KCNT2: variants seen among roughly 807,000 people sequenced by gnomAD.
The protein encoded by KCNT2 is potassium sodium-activated channel subfamily T member 2.
KCNT2 carries 67 observed loss-of-function variants against 153.8 expected under a neutral mutation model. That is an observed-to-expected ratio of 0.44 (90% CI 0.36 to 0.53). The LOEUF (loss-of-function observed/expected upper bound fraction) is 0.53. KCNT2 is among the 20% of genes least tolerant of loss of function. The pLI is 0.00. For missense variants in KCNT2, 975 were observed against 1,354.8 expected, an observed-to-expected ratio of 0.72 and a Z score of 4.40; for synonymous variants, 500 against 458.8, an observed-to-expected ratio of 1.09 and a Z score of -1.15.
intron 25 of KCNT2, among the ~76,000 whole-genome samples, chr1:196,271,036 C>CCA (rs1306583269): frequency 6.6e-6 from 1 of 151,100 alleles, no homozygotes; most frequent in Admixed American, 6.6e-5. Flanking sequence ...ACACACACAA[C>CCA]CACACACACA....
intron 1 of KCNT2, among the ~76,000 whole-genome samples, chr1:196,568,631 A>G (rs370752243): frequency 6.7e-6 from 1 of 149,558 alleles, no homozygotes; most frequent in Non-Finnish European, 1.5e-5. Flanking sequence ...ACACGCCACC[A>G]CAGATCTGAC....
intron 8 of KCNT2, among the ~76,000 whole-genome samples, chr1:196,436,756 A>G (rs1417263386): frequency 6.6e-6 from 1 of 150,946 alleles, no homozygotes; most frequent in Non-Finnish European, 1.5e-5. Context: ...AATTAAATAC[A>G]AAATGTACTC....
intron 1 of KCNT2, among the ~76,000 whole-genome samples, chr1:196,505,184 C>A (rs1681030588): frequency 6.6e-6 from 1 of 152,002 alleles, no homozygotes. Context: ...AATGGTAATG[C>A]CTAGGTTTTC....
intron 1 of KCNT2, among the ~76,000 whole-genome samples, chr1:196,545,969 A>G (rs1227630654): frequency 1.3e-5 from 2 of 152,012 alleles, no homozygotes; most frequent in African/African-American, 2.4e-5. Flanking sequence ...TATGGGTAAC[A>G]CTGCTGTAAA....
At chr1:196,462,128 T>C (rs1366715517) in intron 8 of KCNT2, among the ~76,000 whole-genome samples, 1 of 151,854 alleles carries the variant, frequency 6.6e-6, no homozygotes, top group East Asian at 1.9e-4. Flanking sequence ...GAAATATTTC[T>C]CAATAGTCCA....
At chr1:196,335,515 G>A (rs968595511) in intron 16 of KCNT2, among the ~76,000 whole-genome samples, 1 of 152,026 alleles carries the variant, frequency 6.6e-6, no homozygotes, top group Non-Finnish European at 1.5e-5. Context: ...TCTCAATATA[G>A]AAAACATACA....
rs193106554 is a variant in KCNT2 at position 196,444,524 on chromosome 1, A to G, written c.639-14767T>C. The stretch of plus-strand genomic sequence containing the variant: ...AAAAGTTTCAACATCGTGACCAGTT[A>G]AAAACAAATTCTACTGGTTATAAAG... On this transcript the variant is annotated intron_variant, in intron 8 of 27. Transcript: ENST00000294725. Among the ~76,000 whole-genome samples, 290 of 151,492 alleles carry G rather than the reference A, an allele frequency of 1.9e-3. 1 individual carries two copies. Among genetic ancestry groups the G allele is most frequent in the Non-Finnish European group, 2.4e-3 (164 of 67,542 alleles).
At position 196,257,179 on chromosome 1, in the gene KCNT2, A is replaced by G. The variant is rs74810790; in HGVS notation, c.3211+1015T>C. On this transcript the variant is annotated intron_variant, in intron 26 of 27. Transcript: ENST00000294725. The stretch of plus-strand genomic sequence containing the variant: ...CAAATCAGGGTTATAAAGAGTAACA[A>G]GAATATACACATAAAGCACCTAGCA... 3.0e-5 allele frequency: 28 copies of G among 930,738 alleles called. No homozygotes were observed. The East Asian group carries it at 3.3e-3, about 109-fold the overall frequency. 57.7% of individuals were successfully genotyped at this position (930,738 alleles called of 1,614,324 possible). A position where few individuals can be genotyped will look rare whatever the true frequency, so the allele number is the denominator to read the frequency against.
intron 25 of KCNT2, among the ~76,000 whole-genome samples, chr1:196,276,236 C>A (rs1658555160): frequency 6.6e-6 from 1 of 151,904 alleles, no homozygotes; most frequent in Admixed American, 6.6e-5. Context: ...CAGGACATAC[C>A]ATGACTAAGT....
At chr1:196,391,110 G>A (rs1275363489) in intron 13 of KCNT2, among the ~76,000 whole-genome samples, 1 of 151,146 alleles carries the variant, frequency 6.6e-6, no homozygotes, top group African/African-American at 2.4e-5. Context: ...CAGGAAAGGG[G>A]GGTTGTAAGG....
intron 14 of KCNT2, among the ~76,000 whole-genome samples, chr1:196,362,830 C>A (rs551172324): frequency 6.6e-6 from 1 of 152,166 alleles, no homozygotes; most frequent in South Asian, 2.1e-4. Context: ...AAAGTAACTT[C>A]TTAGTGCATC....
chr1:196,593,307 T>TAC (rs1380637836), intron 1 of KCNT2, among the ~76,000 whole-genome samples: 3 of 124,820 alleles, frequency 2.4e-5, no homozygotes, highest in African/African-American at 1.2e-4. Flanking sequence ...TATATATATA[T>TAC]ATATACACAC....
intron 1 of KCNT2, among the ~76,000 whole-genome samples, chr1:196,543,114 T>C (rs140615829): frequency 6.6e-6 from 1 of 152,274 alleles, no homozygotes; most frequent in African/African-American, 2.4e-5. Context: ...AATATAGTTG[T>C]GGTAGTCTTG....
chr1:196,364,327 A>C (rs1667868009), intron 14 of KCNT2, among the ~76,000 whole-genome samples: 1 of 152,156 alleles, frequency 6.6e-6, no homozygotes, highest in Non-Finnish European at 1.5e-5. Flanking sequence ...AATATTTCCA[A>C]ACTTCCTTGA....
At chr1:196,515,023 A>C (rs1681936961) in intron 1 of KCNT2, among the ~76,000 whole-genome samples, 1 of 152,194 alleles carries the variant, frequency 6.6e-6, no homozygotes, top group Non-Finnish European at 1.5e-5. Context: ...GACATAATCC[A>C]TGTCTCTAAT....
chr1:196,501,530 G>A (rs1340089858), intron 1 of KCNT2, among the ~76,000 whole-genome samples: 1 of 152,096 alleles, frequency 6.6e-6, no homozygotes, highest in Non-Finnish European at 1.5e-5. Flanking sequence ...TTATAAGTGG[G>A]AGCTAAACAA....
intron 27 of KCNT2, among the ~76,000 whole-genome samples, chr1:196,228,967 A>ATACT (rs1270788231): frequency 6.6e-6 from 1 of 152,134 alleles, no homozygotes; most frequent in Non-Finnish European, 1.5e-5. Flanking sequence ...GTAAGTGATA[A>ATACT]TACTAAAGTA....
chr1:196,420,036 T>A (rs1429846979), intron 12 of KCNT2, among the ~76,000 whole-genome samples: 1 of 152,040 alleles, frequency 6.6e-6, no homozygotes, highest in Non-Finnish European at 1.5e-5. Context: ...TCTCTCTAAC[T>A]ACCATAATTT....
At chr1:196,469,817 C>T (rs554820409) in intron 5 of KCNT2, among the ~76,000 whole-genome samples, 23 of 152,230 alleles carry the variant, frequency 1.5e-4, no homozygotes, top group African/African-American at 5.1e-4. Flanking sequence ...TGGTGTCTGA[C>T]GATAATGAGC....
Sources: allele counts gnomAD v4.1 joint callset (sites outside exome capture counted in the v4.1 genomes callset), GRCh38; gene constraint gnomAD v4.1.1; transcripts MANE v1.5; gene names NCBI Gene and HGNC (gene_info 2026-07-23, HGNC 2026-07-21).